PALMD: variants seen among roughly 807,000 people sequenced by gnomAD.
The protein encoded by PALMD is paralemmin-like protein.
Under a neutral mutation model 56.2 loss-of-function variants are expected in PALMD, and 42 were observed. The ratio of observed to expected loss-of-function variants is 0.75; its 90% CI spans 0.58 to 0.97. PALMD has a LOEUF of 0.97. PALMD is among the 50% of genes least tolerant of loss of function. The pLI, the probability that PALMD is intolerant of heterozygous loss-of-function variation, is 0.00. For missense variants in PALMD, 660 were observed against 643.8 expected, an observed-to-expected ratio of 1.03 and a Z score of -0.27; for synonymous variants, 242 against 222.9, an observed-to-expected ratio of 1.09 and a Z score of -0.76.
chr1:99,650,285 GAAA>G (rs200081370), intron 1 of PALMD, among the ~76,000 whole-genome samples: 121 of 116,776 alleles, frequency 1.0e-3, no homozygotes, highest in African/African-American at 4.2e-3. Context: ...TGCTCATAAT[GAAA>G]AAAAAAAAAA....
rs1222231658 is a variant in PALMD, at chr1:99,683,019, GGAAA to G, written c.252-3622_252-3619del. Among the ~76,000 whole-genome samples, 169 of 48,450 alleles carry G rather than the reference GGAAA, an allele frequency of 3.5e-3. 7 individuals are homozygous for G. Among genetic ancestry groups the G allele is most frequent in the Non-Finnish European group, 4.4e-3 (129 of 29,024 alleles). The allele number at this position is 48,450 out of a possible 152,430, so 31.8% of individuals were successfully genotyped here. A position where few individuals can be genotyped will look rare whatever the true frequency, so the allele number is the denominator to read the frequency against. Reference sequence around the variant, plus strand: ...AGACTCTGTCTCCAAAAAGAAAGAAGGAAAGAAAGAAAGAAAGAAAGAAAGAAAG... The same window carrying G: ...AGACTCTGTCTCCAAAAAGAAAGAAGGAAAGAAAGAAAGAAAGAAAGAAAG... On this transcript the variant is annotated intron_variant, in intron 3 of 7. Coordinates refer to ENST00000263174, the MANE Select transcript of PALMD (RefSeq NM_017734.5).
At position 99,667,657 on chromosome 1, in the gene PALMD, G is replaced by T. The variant is rs1388177650; in HGVS notation, c.142G>T (p.Glu48Ter). ...HQHLKKKALR[E>*]KWLLDGISSG... is the part of the protein sequence containing the mutation. ...CTGACATCAGAAAAAGGCCTTGAGG[G>T]AGAAATGGCTTCTAGATGGAATCAG... Residue 48 changes from glutamate (E) to a stop codon, truncating the protein, a stop_gained, in exon 3 of 8, where the codon GAG becomes TAG. Coordinates refer to ENST00000263174, the MANE Select transcript of PALMD (RefSeq NM_017734.5). LOFTEE classifies it high-confidence loss of function. The T allele has an allele frequency of 1.9e-6, 3 of 1,613,262 alleles. No individual in the cohort carries two copies. Among genetic ancestry groups the T allele is most frequent in the Admixed American group, 1.7e-5 (1 of 59,980 alleles).
intron 1 of PALMD, among the ~76,000 whole-genome samples, chr1:99,648,620 A>G (rs999313283): frequency 2.0e-5 from 3 of 152,008 alleles, no homozygotes; most frequent in Non-Finnish European, 2.9e-5. Flanking sequence ...CAATTCCCCA[A>G]TGCACCCAGA....
intron 3 of PALMD, among the ~76,000 whole-genome samples, chr1:99,673,077 T>A (rs1265156520): frequency 6.6e-6 from 1 of 152,040 alleles, no homozygotes; most frequent in East Asian, 1.9e-4. Flanking sequence ...TAAGGAAAAT[T>A]CCTCCACAAA....
At chr1:99,679,886 A>G (rs1014273699) in intron 3 of PALMD, among the ~76,000 whole-genome samples, 6 of 152,136 alleles carry the variant, frequency 3.9e-5, no homozygotes, top group African/African-American at 1.4e-4. Context: ...TGGAACTAAC[A>G]ACAGTGCTCA....
rs112235983 is a variant in PALMD, at chr1:99,676,826, C to A, written c.251+9060C>A. On this transcript the variant is annotated intron_variant, in intron 3 of 7. Transcript: ENST00000263174. Reference sequence around the variant, plus strand: ...GCTCACCTTCTAATATATTACATGACCCTCAACTTTATTAAGAAAATGTAG... The same window carrying A: ...GCTCACCTTCTAATATATTACATGAACCTCAACTTTATTAAGAAAATGTAG... Among the ~76,000 whole-genome samples the A allele has an allele frequency of 5.9e-3, 892 of 152,014 alleles. 9 individuals are homozygous for A. Among genetic ancestry groups the A allele is most frequent in the African/African-American group, 0.021 (857 of 41,456 alleles).
At chr1:99,686,834 G>C in intron 4 of PALMD, 44 bp downstream of exon 4, 3 of 1,359,928 alleles carry the variant, frequency 2.2e-6, no homozygotes, top group Non-Finnish European at 3.1e-6. Context: ...CTCTCAAAAT[G>C]AATCCACAAA....
intron 1 of PALMD, among the ~76,000 whole-genome samples, chr1:99,648,254 G>A (rs999262682): frequency 6.6e-6 from 1 of 152,114 alleles, no homozygotes; most frequent in Non-Finnish European, 1.5e-5. Flanking sequence ...CACCTCACCA[G>A]GCTAAATCCA....
chr1:99,660,123 C>T (rs981989983), intron 1 of PALMD, among the ~76,000 whole-genome samples: 1 of 152,260 alleles, frequency 6.6e-6, no homozygotes, highest in Non-Finnish European at 1.5e-5. Flanking sequence ...GCACCAGCAT[C>T]TAGGGAGCTA....
chr1:99,666,842 A>C (rs1189297324), intron 2 of PALMD, among the ~76,000 whole-genome samples: 1 of 152,152 alleles, frequency 6.6e-6, no homozygotes, highest in Non-Finnish European at 1.5e-5. Flanking sequence ...AAGTCTTCTT[A>C]GGTCTTTAAA....
chr1:99,671,691 T>C (rs12060371), intron 3 of PALMD, among the ~76,000 whole-genome samples: 1 of 152,150 alleles, frequency 6.6e-6, no homozygotes, highest in Non-Finnish European at 1.5e-5. Flanking sequence ...TGGCTTAAAG[T>C]CTAGAATGCT....
At chr1:99,687,254 A>G (rs1486814683) in intron 6 of PALMD, 65 bp downstream of exon 6, 10 of 1,501,706 alleles carry the variant, frequency 6.7e-6, no homozygotes, top group Non-Finnish European at 8.9e-6. Flanking sequence ...TCAAATATTC[A>G]CAACTTGCTA....
chr1:99,681,139 G>GTA (rs1375913489), intron 3 of PALMD, among the ~76,000 whole-genome samples: 170 of 129,678 alleles, frequency 1.3e-3, no homozygotes, highest in African/African-American at 3.7e-3. Flanking sequence ...GTGTGTGTAT[G>GTA]TATATATATA....
At chr1:99,658,770 CA>C (rs981654630) in intron 1 of PALMD, among the ~76,000 whole-genome samples, 20 of 147,622 alleles carry the variant, frequency 1.4e-4, no homozygotes, top group Non-Finnish European at 2.7e-4. Flanking sequence ...GACTCCATCT[CA>C]AAAAAAAAAT....
chr1:99,658,001 A>G (rs535314019), intron 1 of PALMD, among the ~76,000 whole-genome samples: 38 of 152,290 alleles, frequency 2.5e-4, no homozygotes, highest in African/African-American at 8.7e-4. Context: ...TATTACTACT[A>G]AAGTTGTTAT....
At chr1:99,667,117 C>T (rs1003873629) in intron 2 of PALMD, among the ~76,000 whole-genome samples, 7 of 152,242 alleles carry the variant, frequency 4.6e-5, no homozygotes, top group African/African-American at 1.4e-4. Context: ...CAACAGCAAC[C>T]TTCTGTTTTG....
At chr1:99,657,918 T>C (rs1652761875) in intron 1 of PALMD, among the ~76,000 whole-genome samples, 1 of 152,174 alleles carries the variant, frequency 6.6e-6, no homozygotes, top group Admixed American at 6.5e-5. Context: ...GTTAATGACA[T>C]CAGCTAGGAA....
chr1:99,686,735 A>G lies in PALMD; in HGVS notation c.311A>G (p.Glu104Gly). The G allele has an allele frequency of 6.2e-7, 1 of 1,609,766 alleles. No homozygotes were observed. The highest frequency in any genetic ancestry group is 8.5e-7 in the Non-Finnish European group (1 of 1,176,964). ...GAACTGCAAATCTCAACGAAGGAAG[A>G]GGCCATTTTAAAGAAACTAAAGTCA... Reference protein sequence around the residue: ...KAELQISTKEEAILKKLKSIE... With the variant: ...KAELQISTKEGAILKKLKSIE... The change falls in exon 4 of 8, where the codon GAG becomes GGG. Residue 104 changes from glutamate (E) to glycine (G), a missense_variant. By Grantham distance (98) the Glu-to-Gly change is moderately conservative. Coordinates refer to ENST00000263174, the MANE Select transcript of PALMD (RefSeq NM_017734.5).
At position 99,667,714 on chromosome 1, in the gene PALMD, C is replaced by A; in HGVS notation, c.199C>A (p.Gln67Lys). ...AAAAGAACAGGAAGAGATGAAGAAG[C>A]AAAATCAACAAGACCAGCACCAGAT... is the stretch of plus-strand genomic sequence containing the variant. ...SGKEQEEMKK[Q>K]NQQDQHQIQV... The change falls in exon 3 of 8, where the codon CAA becomes AAA. Residue 67 changes from glutamine to lysine, a missense_variant. Gln to Lys is a moderately conservative substitution (Grantham distance 53). Coordinates refer to ENST00000263174, the MANE Select transcript of PALMD (RefSeq NM_017734.5). The A allele has an allele frequency of 1.2e-6, 2 of 1,613,438 alleles. No individual in the cohort carries two copies. Among genetic ancestry groups the A allele is most frequent in the Non-Finnish European group, 8.5e-7 (1 of 1,179,556 alleles).
Sources: gnomAD v4.1 joint callset for allele counts (sites outside exome capture counted in the v4.1 genomes callset) on GRCh38, gnomAD v4.1.1 for gene constraint, MANE v1.5 for transcripts, NCBI Gene and HGNC (gene_info 2026-07-23, HGNC 2026-07-21) for gene names.